The following ADGRB1 variants were observed in gnomAD, a reference collection of about 807,000 sequenced individuals.
ADGRB1 encodes adhesion G protein-coupled receptor B1.
Under a neutral mutation model 175.7 loss-of-function variants are expected in ADGRB1, and 36 were observed. The observed-to-expected ratio is 0.20, with a 90% confidence interval of 0.16 to 0.27. The LOEUF (loss-of-function observed/expected upper bound fraction) is 0.27, where lower values mean the gene tolerates loss of function less well. Ranked by LOEUF, ADGRB1 falls within the 10% of genes least tolerant of loss-of-function variation. The probability of loss-of-function intolerance (pLI) is 1.00; values close to 1 mark genes in which losing one functional copy is unlikely to be tolerated. For missense variants in ADGRB1, 1,731 were observed against 2,255.3 expected (o/e 0.77, Z 4.71); for synonymous variants, 1,054 against 979.4 (o/e 1.08, Z -1.42).
chr8:142,527,239 G>A (rs894112015), intron 24 of ADGRB1, among the ~76,000 whole-genome samples: 4 of 152,192 alleles, frequency 2.6e-5, no homozygotes, highest in Admixed American at 2.0e-4. Context: ...GGGAAGCTGC[G>A]GGGCGTGGGG....
chr8:142,539,708 G>T (rs1845149745), intron 27 of ADGRB1: 1 of 541,776 alleles, frequency 1.8e-6, no homozygotes, highest in South Asian at 2.3e-5. Flanking sequence ...GCGCCTGGCT[G>T]CGTCCCCTGC....
At chr8:142,530,462 G>A (rs59966565) in intron 24 of ADGRB1, among the ~76,000 whole-genome samples, 24,922 of 152,112 alleles carry the variant, frequency 0.16, 2,174 homozygotes, top group East Asian at 0.29. Flanking sequence ...TGAGGGTGGT[G>A]CGCCCAGGTG....
At chr8:142,470,460 G>T (rs916136018) in intron 2 of ADGRB1, among the ~76,000 whole-genome samples, 1 of 151,714 alleles carries the variant, frequency 6.6e-6, no homozygotes, top group African/African-American at 2.4e-5. Context: ...CACAAGGAGG[G>T]ACAGGGGAGC....
chr8:142,531,489 G>A (rs914442830), intron 24 of ADGRB1, among the ~76,000 whole-genome samples: 17 of 152,218 alleles, frequency 1.1e-4, no homozygotes, highest in African/African-American at 3.6e-4. Flanking sequence ...TCCAGGGCCA[G>A]GGGAAGGGCC....
chr8:142,543,704 G>C lies in ADGRB1; in HGVS notation c.4553G>C (p.Ser1518Thr). 1.4e-6 allele frequency: 1 copy of C among 723,562 alleles called. No individual in the cohort carries two copies. The highest frequency in any genetic ancestry group is 1.5e-5 in the South Asian group (1 of 68,904). The allele number at this position is 723,562 out of a possible 1,614,324, so 44.8% of individuals were successfully genotyped here. A position where few individuals can be genotyped will look rare whatever the true frequency, so the allele number is the denominator to read the frequency against. Residue 1518 changes from serine to threonine, a missense_variant, in exon 30 of 31, where the codon AGC (serine) becomes ACC (threonine). Ser to Thr is a moderately conservative substitution (Grantham distance 58, BLOSUM62 1). Around this residue, in one of 8 missense-constraint regions of ADGRB1, gnomAD observed 394 missense variants for 410.2 expected, o/e 0.96. Transcript: ENST00000517894. This position sits in a 1 kb window ranked among gnomAD's most constrained non-coding sequence, Gnocchi z 4.4. Reference sequence around the variant, plus strand: ...GACAAGGAGGTGCTGGGGCCGGACAGCAAGGTCTGGAGGGCAGGGAGGGGC... The same window carrying C: ...GACAAGGAGGTGCTGGGGCCGGACACCAAGGTCTGGAGGGCAGGGAGGGGC... ...EKDKEVLGPD[S>T]KPEKQQTPNK...
intron 23 of ADGRB1, among the ~76,000 whole-genome samples, chr8:142,525,111 A>G (rs938667227): frequency 6.6e-6 from 1 of 151,980 alleles, no homozygotes; most frequent in African/African-American, 2.4e-5. Context: ...TGGGCCTAGC[A>G]GAGAAACGTG....
intron 2 of ADGRB1, among the ~76,000 whole-genome samples, chr8:142,467,373 G>C (rs1840341972): frequency 1.3e-5 from 2 of 152,212 alleles, no homozygotes; most frequent in African/African-American, 2.4e-5. Flanking sequence ...TCAGGACGCT[G>C]CAGCAGCAGT....
At chr8:142,526,661 C>A (rs375786793) in intron 24 of ADGRB1, 34 bp downstream of exon 24, 3 of 1,583,478 alleles carry the variant, frequency 1.9e-6, no homozygotes, top group Middle Eastern at 3.3e-4. Context: ...CTTGCCCACC[C>A]GGAGTGCAAG....
chr8:142,467,788 C>A (rs900814657), intron 2 of ADGRB1, among the ~76,000 whole-genome samples: 12 of 152,236 alleles, frequency 7.9e-5, no homozygotes, highest in Non-Finnish European at 1.8e-4. Flanking sequence ...TCAGGCCCCT[C>A]ATCTTTAAAA....
rs1210967908 is a variant in ADGRB1 at position 142,542,963 on chromosome 8, C to T, written c.4413+316C>T. Among the ~76,000 whole-genome samples, 1 of 152,194 alleles carries T rather than the reference C, an allele frequency of 6.6e-6. No individual in the cohort carries two copies. The highest frequency in any genetic ancestry group is 6.5e-5 in the Admixed American group (1 of 15,294). ...GGGCAGCCTGGCAGCACATACCTGCCTAGGTCAGCCTGGAGCCTGCAGCTG... is the reference window on the plus strand; with the variant it reads ...GGGCAGCCTGGCAGCACATACCTGCTTAGGTCAGCCTGGAGCCTGCAGCTG... On this transcript the variant is annotated intron_variant, in intron 28 of 30. Coordinates refer to ENST00000517894, the MANE Select transcript of ADGRB1 (RefSeq NM_001702.3). This position sits in a 1 kb window ranked among gnomAD's most constrained non-coding sequence, Gnocchi z 6.3.
chr8:142,483,864 G>T (rs1841521003), intron 11 of ADGRB1, 113 bp from the exon 12 acceptor site: 1 of 1,121,728 alleles, frequency 8.9e-7, no homozygotes. Flanking sequence ...CCTGATCCTG[G>T]TCACATATTC....
At chr8:142,458,956 G>A (rs1314877143) in intron 1 of ADGRB1, among the ~76,000 whole-genome samples, 2 of 152,222 alleles carry the variant, frequency 1.3e-5, no homozygotes, top group Admixed American at 1.3e-4. Context: ...TTCTCTGCAA[G>A]AGAGTTGGTG....
intron 24 of ADGRB1, among the ~76,000 whole-genome samples, chr8:142,531,133 C>A (rs1303415168): frequency 6.6e-6 from 1 of 152,248 alleles, no homozygotes; most frequent in Non-Finnish European, 1.5e-5. Flanking sequence ...CTTGCACCTC[C>A]TCCCTTAGGA....
intron 13 of ADGRB1, among the ~76,000 whole-genome samples, chr8:142,485,471 G>A (rs1466230151): frequency 5.9e-5 from 9 of 152,298 alleles, no homozygotes; most frequent in South Asian, 4.1e-4. Context: ...TGGGAGGATC[G>A]CTTGAGCCCA....
chr8:142,537,016 T>C lies in ADGRB1; in HGVS notation c.3600T>C (p.Val1200=). 6.3e-7 allele frequency: 1 copy of C among 1,593,460 alleles called. No individual in the cohort carries two copies. The highest frequency in any genetic ancestry group is 8.5e-7 in the Non-Finnish European group (1 of 1,170,422). ...EVQDAVKCRV[V]DRQEEGNGDS... ...AGGACGCTGTGAAATGCCGTGTGGT[T>C]GACCGGCAGGAGGAGGGCAACGGGG... Residue 1200 remains valine, a synonymous_variant, in exon 26 of 31, where the codon GTT becomes GTC. Transcript: ENST00000517894. This position sits in a 1 kb window ranked among gnomAD's most constrained non-coding sequence, Gnocchi z 4.6.
chr8:142,542,242 C>T lies in ADGRB1; in HGVS notation c.4008C>T (p.Ala1336=). ...AGCTGGACTCGGAGCTGAGCCGGGC[C>T]CAGGAGAAGGCTCTGGACACGAGCT... ...FKKLDSELSR[A]QEKALDTSYV... Residue 1336 remains alanine, a synonymous_variant, in exon 28 of 31, where the codon GCC becomes GCT. Transcript: ENST00000517894. This position sits in a 1 kb window ranked among gnomAD's most constrained non-coding sequence, Gnocchi z 6.3. 1 of 1,613,602 alleles carries T rather than the reference C, an allele frequency of 6.2e-7. No individual in the cohort carries two copies. The highest frequency in any genetic ancestry group is 1.6e-4 in the Middle Eastern group (1 of 6,062).
chr8:142,494,775 G>C (rs1025157340), intron 17 of ADGRB1, among the ~76,000 whole-genome samples: 1 of 151,830 alleles, frequency 6.6e-6, no homozygotes, highest in Non-Finnish European at 1.5e-5. Flanking sequence ...TGGCCTGGCA[G>C]CATGGCTCAG....
At chr8:142,531,261 G>C (rs1442304692) in intron 24 of ADGRB1, among the ~76,000 whole-genome samples, 1 of 152,244 alleles carries the variant, frequency 6.6e-6, no homozygotes, top group Admixed American at 6.5e-5. Context: ...GAGGGGTCCT[G>C]CTCTGTGTCA....
At chr8:142,506,642 A>G (rs972897738) in intron 17 of ADGRB1, among the ~76,000 whole-genome samples, 1 of 152,234 alleles carries the variant, frequency 6.6e-6, no homozygotes, top group African/African-American at 2.4e-5. Flanking sequence ...TGCCCCCTGC[A>G]GCAGGAAGGA....
Sources: gnomAD v4.1 joint callset for allele counts (sites outside exome capture counted in the v4.1 genomes callset) on GRCh38, gnomAD v4.1.1 for gene constraint, gnomAD v4.1.1 regional missense constraint, Gnocchi (gnomAD v3.1) non-coding constraint, MANE v1.5 for transcripts, NCBI Gene and HGNC (gene_info 2026-07-23, HGNC 2026-07-21) for gene names.